SLC35F1: variants seen among roughly 807,000 people sequenced by gnomAD.
SLC35F1 encodes the protein solute carrier family 35 member F1.
In SLC35F1, 14 loss-of-function variants were observed where a neutral mutation model predicts 48.7. That is an observed-to-expected ratio of 0.29 (90% CI 0.19 to 0.45). The LOEUF (loss-of-function observed/expected upper bound fraction) is 0.45. Among genes scored for constraint, SLC35F1 ranks in the 20% least tolerant of loss-of-function variants. The pLI, the probability that SLC35F1 is intolerant of heterozygous loss-of-function variation, is 1.00. For synonymous variants in SLC35F1, 190 were observed against 202.2 expected, an observed-to-expected ratio of 0.94 and a Z score of 0.51; for missense variants, 404 against 500.0, an observed-to-expected ratio of 0.81 and a Z score of 1.83.
intron 1 of SLC35F1, among the ~76,000 whole-genome samples, chr6:118,145,637 G>T (rs888491291): frequency 1.3e-5 from 2 of 152,050 alleles, no homozygotes; most frequent in African/African-American, 4.8e-5. Context: ...TTTAAATATG[G>T]ATTTATTTCC....
At chr6:118,238,905 T>C (rs1775401525) in intron 3 of SLC35F1, among the ~76,000 whole-genome samples, 1 of 152,086 alleles carries the variant, frequency 6.6e-6, no homozygotes, top group African/African-American at 2.4e-5. Context: ...CAGTACCCAC[T>C]GATAGAGTCA....
At chr6:118,127,705 C>T (rs1200824482) in intron 1 of SLC35F1, among the ~76,000 whole-genome samples, 1 of 151,724 alleles carries the variant, frequency 6.6e-6, no homozygotes, top group Non-Finnish European at 1.5e-5. Context: ...ACCATAAAAA[C>T]CCTAGAAGAA....
At chr6:117,954,899 C>T (rs1428412153) in intron 1 of SLC35F1, among the ~76,000 whole-genome samples, 2 of 152,138 alleles carry the variant, frequency 1.3e-5, no homozygotes, top group Non-Finnish European at 2.9e-5. Flanking sequence ...GTTATATGCT[C>T]AGTATAAAAT....
intron 2 of SLC35F1, among the ~76,000 whole-genome samples, chr6:118,182,894 G>C (rs1370000269): frequency 3.3e-5 from 5 of 152,026 alleles, no homozygotes; most frequent in Non-Finnish European, 7.4e-5. Flanking sequence ...ACACCTTGAT[G>C]GTATGTTTTC....
chr6:118,188,055 G>A (rs945737546), intron 2 of SLC35F1, among the ~76,000 whole-genome samples: 1 of 152,154 alleles, frequency 6.6e-6, no homozygotes, highest in African/African-American at 2.4e-5. Flanking sequence ...AATGCTATGG[G>A]GTCACTTAGA....
At chr6:118,084,784 G>A (rs956526108) in intron 1 of SLC35F1, among the ~76,000 whole-genome samples, 173 of 152,050 alleles carry the variant, frequency 1.1e-3, no homozygotes, top group African/African-American at 4.1e-3. Context: ...GGGAAATGGG[G>A]ACCCTTGCTC....
Position 118,147,961 on chromosome 6 carries a change from A to T in SLC35F1, c.174-6484A>T, listed in dbSNP as rs138823957. ...TTGCCTAATAATCTTCTTACATATA[A>T]GTCTAATTAATGCTTGAATGTGATA... On this transcript the variant is annotated intron_variant, in intron 1 of 7. Coordinates refer to ENST00000360388, the MANE Select transcript of SLC35F1 (RefSeq NM_001029858.4). Among the ~76,000 whole-genome samples the T allele has an allele frequency of 4.6e-5, 7 of 152,300 alleles. No individual in the cohort carries two copies. In the East Asian group the frequency reaches 1.4e-3, roughly 29 times the overall value.
chr6:118,088,724 G>A (rs1280825443), intron 1 of SLC35F1, among the ~76,000 whole-genome samples: 1 of 152,178 alleles, frequency 6.6e-6, no homozygotes, highest in African/African-American at 2.4e-5. Flanking sequence ...AGGGCATTCA[G>A]CCATAGGGGT....
At chr6:118,087,388 T>C (rs1409329409) in intron 1 of SLC35F1, among the ~76,000 whole-genome samples, 1 of 152,166 alleles carries the variant, frequency 6.6e-6, no homozygotes, top group African/African-American at 2.4e-5. Context: ...GGGCTAGGAC[T>C]TCAACATATT....
chr6:118,260,582 C>T (rs771047702), intron 3 of SLC35F1, among the ~76,000 whole-genome samples: 1 of 151,774 alleles, frequency 6.6e-6, no homozygotes, highest in African/African-American at 2.4e-5. Flanking sequence ...AGTCACACAA[C>T]AAAAAATTAT....
chr6:118,307,759 G>T (rs1776329303), intron 7 of SLC35F1, among the ~76,000 whole-genome samples: 1 of 152,162 alleles, frequency 6.6e-6, no homozygotes, highest in East Asian at 1.9e-4. Context: ...ATTGGCTCGG[G>T]CCCAGTGGCA....
intron 1 of SLC35F1, among the ~76,000 whole-genome samples, chr6:118,111,378 G>T (rs1255884621): frequency 6.6e-6 from 1 of 152,072 alleles, no homozygotes; most frequent in African/African-American, 2.4e-5. Context: ...CTACAGAAGG[G>T]CAAAGATAAT....
At chr6:118,126,010 T>C (rs970800887) in intron 1 of SLC35F1, among the ~76,000 whole-genome samples, 4 of 152,202 alleles carry the variant, frequency 2.6e-5, no homozygotes, top group African/African-American at 9.6e-5. Flanking sequence ...CTAACTGAGT[T>C]GGAAGTGACA....
Position 118,037,029 on chromosome 6 carries a change from T to A in SLC35F1, c.174-117416T>A, listed in dbSNP as rs1293409091. 2.0e-5 allele frequency among the ~76,000 whole-genome samples: 3 copies of A among 152,234 alleles called. No homozygotes were observed. The South Asian group carries it at 6.2e-4, about 31-fold the overall frequency. On this transcript the variant is annotated intron_variant, in intron 1 of 7. Transcript: ENST00000360388. ...TGTCTCTACTCTGTTTTCTGATGAA[T>A]TGTCCTTTTATCATTATGAAACATC...
At chr6:118,209,020 T>A (rs896545808) in intron 2 of SLC35F1, among the ~76,000 whole-genome samples, 3 of 152,216 alleles carry the variant, frequency 2.0e-5, no homozygotes, top group African/African-American at 7.2e-5. Flanking sequence ...TCTTTTCCCT[T>A]GAAGACCCTC....
At chr6:118,077,443 G>A (rs908924768) in intron 1 of SLC35F1, among the ~76,000 whole-genome samples, 2 of 152,202 alleles carry the variant, frequency 1.3e-5, no homozygotes, top group Admixed American at 1.3e-4. Flanking sequence ...TACCCTTTGA[G>A]AACCTAAGTT....
intron 1 of SLC35F1, among the ~76,000 whole-genome samples, chr6:118,068,872 A>G (rs1772657160): frequency 6.6e-6 from 1 of 152,204 alleles, no homozygotes; most frequent in Non-Finnish European, 1.5e-5. Context: ...TAAATAGAAA[A>G]CAAATTCCAT....
intron 7 of SLC35F1, among the ~76,000 whole-genome samples, chr6:118,310,505 CTTT>C (rs933220554): frequency 6.6e-6 from 1 of 151,894 alleles, no homozygotes; most frequent in Non-Finnish European, 1.5e-5. Flanking sequence ...AAAAATAAAA[CTTT>C]TTTTACTTTT....
At chr6:117,911,692 C>T (rs926137833) in intron 1 of SLC35F1, among the ~76,000 whole-genome samples, 1 of 152,070 alleles carries the variant, frequency 6.6e-6, no homozygotes, top group Admixed American at 6.6e-5. Flanking sequence ...GTCACCCTCC[C>T]ACCTTGGCCT....
Sources: gnomAD v4.1 joint callset for allele counts (sites outside exome capture counted in the v4.1 genomes callset) on GRCh38, gnomAD v4.1.1 for gene constraint, MANE v1.5 for transcripts, NCBI Gene and HGNC (gene_info 2026-07-23, HGNC 2026-07-21) for gene names.